Variants in KDM6A observed in about 807,000 individuals in gnomAD.
KDM6A encodes lysine demethylase 6A.
A neutral mutation model predicts 117.6 loss-of-function variants in KDM6A; 11 were observed. The observed-to-expected ratio is 0.09, with a 90% CI of 0.06 to 0.15. The LOEUF (loss-of-function observed/expected upper bound fraction) is 0.15, where lower values mean the gene tolerates loss of function less well. KDM6A is among the 10% of genes least tolerant of loss of function. The probability of loss-of-function intolerance (pLI) is 1.00; values close to 1 mark genes in which losing one functional copy is unlikely to be tolerated. For synonymous variants in KDM6A, 384 were observed against 396.1 expected (o/e 0.97, Z 0.36); for missense variants, 799 against 1,077.3 (o/e 0.74, Z 3.62).
chrX:44,931,659 A>G (rs1034257801), intron 2 of KDM6A, among the ~76,000 whole-genome samples: 3 of 111,463 alleles, frequency 2.7e-5, no homozygotes, highest in Non-Finnish European at 3.8e-5. Flanking sequence ...AAAGTAGTCA[A>G]AATCATAGAA....
At chrX:44,898,192 G>T (rs2034047651) in intron 2 of KDM6A, among the ~76,000 whole-genome samples, 1 of 111,824 alleles carries the variant, frequency 8.9e-6, no homozygotes, top group South Asian at 3.7e-4. Flanking sequence ...TGATGCTGCA[G>T]GGTGAAGAAA....
chrX:44,966,749 T>A (rs2039032448), intron 3 of KDM6A, among the ~76,000 whole-genome samples: 1 of 111,293 alleles, frequency 9.0e-6, no homozygotes, highest in African/African-American at 3.3e-5. Flanking sequence ...ATTCAGTATA[T>A]TTTAATATTT....
At position 45,079,923 on chromosome X, in the gene KDM6A, G is replaced by A. The variant is rs2045324787; in HGVS notation, c.3300+572G>A. ...AGCATCATGGGGAAATAGAATTACTGTCTAGTGAAATGTCTCATTTCTGGG... is the reference window on the plus strand; with the variant it reads ...AGCATCATGGGGAAATAGAATTACTATCTAGTGAAATGTCTCATTTCTGGG... On this transcript the variant is annotated intron_variant, in intron 21 of 29. Coordinates refer to ENST00000611820, the MANE Select transcript of KDM6A (RefSeq NM_001291415.2). 2.7e-5 allele frequency among the ~76,000 whole-genome samples: 3 copies of A among 112,186 alleles called. No homozygotes were observed. In the South Asian group the frequency reaches 1.1e-3, roughly 41 times the overall value.
intron 2 of KDM6A, among the ~76,000 whole-genome samples, chrX:44,937,133 G>T (rs1368795013): frequency 1.8e-5 from 2 of 109,685 alleles, no homozygotes; most frequent in Admixed American, 9.8e-5. Flanking sequence ...TTTTTTTAAA[G>T]TGAGGATGTG....
At chrX:44,891,043 CTG>C (rs1481301314) in intron 2 of KDM6A, among the ~76,000 whole-genome samples, 1 of 108,867 alleles carries the variant, frequency 9.2e-6, no homozygotes, top group Non-Finnish European at 1.9e-5. Context: ...TTTTTTTTAA[CTG>C]TTCAGTTTTG....
At chrX:45,037,775 A>T in intron 8 of KDM6A, 86 bp downstream of exon 8, 2 of 772,340 alleles carry the variant, frequency 2.6e-6, no homozygotes, top group Middle Eastern at 2.9e-4. Flanking sequence ...AGAAGTGTAC[A>T]GATAATTTAA....
chrX:44,873,967 A>G lies in KDM6A; in HGVS notation c.205A>G (p.Thr69Ala). The G allele has an allele frequency of 1.7e-6, 2 of 1,211,184 alleles. No individual in the cohort carries two copies. Among genetic ancestry groups the G allele is most frequent in the South Asian group, 1.8e-5 (1 of 56,970 alleles). Residue 69 changes from threonine to alanine, a missense_variant, in exon 2 of 30, where the codon ACG becomes GCG. Transcript: ENST00000611820. ...FVRFHEDGARTKALLGKAVRC... is the reference protein window; with the variant it reads ...FVRFHEDGARAKALLGKAVRC... Reference sequence around the variant, plus strand: ...GAGATTTCATGAAGATGGCGCCAGGACGAAGGCCCTACTGGGCAAGGTAAG... The same window carrying G: ...GAGATTTCATGAAGATGGCGCCAGGGCGAAGGCCCTACTGGGCAAGGTAAG...
intron 8 of KDM6A, among the ~76,000 whole-genome samples, chrX:45,041,539 G>T (rs2043206342): frequency 9.1e-6 from 1 of 109,326 alleles, no homozygotes; most frequent in Non-Finnish European, 1.9e-5. Context: ...CTCAGACAGG[G>T]CGGTTGCCAG....
intron 17 of KDM6A, among the ~76,000 whole-genome samples, 180 bp from the exon 18 acceptor site, chrX:45,069,398 TA>T (rs965738269): frequency 1.8e-5 from 2 of 112,276 alleles, no homozygotes; most frequent in Non-Finnish European, 1.9e-5. Context: ...AAAATTTCTC[TA>T]AAGATGTTAA....
chrX:44,951,578 A>G, intron 2 of KDM6A, among the ~76,000 whole-genome samples: 1 of 109,728 alleles, frequency 9.1e-6, no homozygotes, highest in East Asian at 2.8e-4. Context: ...TTTTATAATG[A>G]TTTAAAATAA....
chrX:45,037,558 A>G (rs2042871293), intron 7 of KDM6A, 97 bp from the exon 8 acceptor site: 1 of 663,056 alleles, frequency 1.5e-6, no homozygotes, highest in Admixed American at 2.2e-5. Flanking sequence ...TATAGTGTAG[A>G]CTGTGATAAT....
chrX:45,018,442 C>CAAA (rs1287595810), intron 5 of KDM6A, among the ~76,000 whole-genome samples: 3 of 111,249 alleles, frequency 2.7e-5, no homozygotes, highest in Admixed American at 1.9e-4. Flanking sequence ...TTTTTTTAAC[C>CAAA]TCAGTTTGTT....
At chrX:44,999,829 G>A (rs2041051285) in intron 4 of KDM6A, among the ~76,000 whole-genome samples, 1 of 111,474 alleles carries the variant, frequency 9.0e-6, no homozygotes, top group East Asian at 2.8e-4. Context: ...ATCAACCTTT[G>A]GAGGCATGGT....
intron 2 of KDM6A, among the ~76,000 whole-genome samples, chrX:44,933,573 G>A (rs1461722777): frequency 2.2e-5 from 2 of 92,675 alleles, no homozygotes; most frequent in East Asian, 3.2e-4. Context: ...GCGCCTGGCC[G>A]ATGTTTTTGT....
At chrX:45,019,091 G>A (rs1392771372) in intron 5 of KDM6A, among the ~76,000 whole-genome samples, 3 of 111,026 alleles carry the variant, frequency 2.7e-5, no homozygotes, top group Admixed American at 1.9e-4. Flanking sequence ...AGTTGTCCTC[G>A]TCCTAACCCT....
At chrX:44,874,948 A>G (rs147503020) in intron 2 of KDM6A, among the ~76,000 whole-genome samples, 4 of 112,460 alleles carry the variant, frequency 3.6e-5, no homozygotes, top group Middle Eastern at 4.6e-3. Flanking sequence ...CAGCATGCAT[A>G]AGCCTGGTAA....
intron 2 of KDM6A, among the ~76,000 whole-genome samples, chrX:44,947,536 C>T (rs756764703): frequency 6.4e-5 from 7 of 109,467 alleles, no homozygotes; most frequent in African/African-American, 1.3e-4. Flanking sequence ...CCACCACGCC[C>T]GACTAATTGT....
intron 5 of KDM6A, among the ~76,000 whole-genome samples, chrX:45,017,911 G>A (rs1228289577): frequency 9.0e-6 from 1 of 111,634 alleles, no homozygotes; most frequent in Non-Finnish European, 1.9e-5. Context: ...GTGTCTTGAC[G>A]ATAATAGTGG....
intron 26 of KDM6A, among the ~76,000 whole-genome samples, chrX:45,090,324 C>T (rs903328575): frequency 8.9e-6 from 1 of 112,194 alleles, no homozygotes; most frequent in African/African-American, 3.2e-5. Context: ...AGGCAGTACT[C>T]ACTTAAGGTT....
Sources: allele counts gnomAD v4.1 joint callset (sites outside exome capture counted in the v4.1 genomes callset), GRCh38; gene constraint gnomAD v4.1.1; transcripts MANE v1.5; gene names NCBI Gene and HGNC (gene_info 2026-07-23, HGNC 2026-07-21).